Variants in H1-7 observed in about 807,000 individuals in gnomAD.
H1-7 encodes the protein testis-specific H1 histone.
Under a neutral mutation model 0.3 loss-of-function variants are expected in H1-7, and 1 was observed. The ratio of observed to expected loss-of-function variants is 3.06; its 90% CI spans 1.09 to 14.53. The LOEUF (loss-of-function observed/expected upper bound fraction) is 14.53, where lower values mean the gene tolerates loss of function less well. Ranked by LOEUF, H1-7 falls within the 30% of genes most tolerant of loss-of-function variation. The pLI, the probability that H1-7 is intolerant of heterozygous loss-of-function variation, is 0.12. For missense variants in H1-7, 393 were observed against 353.1 expected, an observed-to-expected ratio of 1.11 and a Z score of -0.91; for synonymous variants, 177 against 153.2, an observed-to-expected ratio of 1.16 and a Z score of -1.15.
Position 48,330,170 on chromosome 12 carries a change from T to C in H1-7, c.*111T>C, listed in dbSNP as rs1952550121. On this transcript the variant is annotated 3_prime_UTR_variant, in exon 1 of 1. Coordinates refer to ENST00000335017, the MANE Select transcript of H1-7 (RefSeq NM_181788.1). Reference sequence around the variant, plus strand: ...AAGGTCTTCCTGATCCAGTTGGGAATGCATCTTGTGGGAGCAGCTTCACTC... The same window carrying C: ...AAGGTCTTCCTGATCCAGTTGGGAACGCATCTTGTGGGAGCAGCTTCACTC... 1.6e-6 allele frequency: 2 copies of C among 1,256,442 alleles called. No homozygotes were observed. The highest frequency in any genetic ancestry group is 2.2e-6 in the Non-Finnish European group (2 of 922,352). 77.8% of individuals were successfully genotyped at this position (1,256,442 alleles called of 1,614,324 possible). A position where few individuals can be genotyped will look rare whatever the true frequency, so the allele number is the denominator to read the frequency against.
chr12:48,329,588 G>A lies in H1-7; in HGVS notation c.297G>A (p.Ala99=). Residue 99 remains alanine (A), a synonymous_variant, in exon 1 of 1, where the codon GCG becomes GCA. Coordinates refer to ENST00000335017, the MANE Select transcript of H1-7 (RefSeq NM_181788.1). ...GCAGGAAGAGCGGCCGCCACGAAGC[G>A]CCCAGGGGGCAGGCCAAGGCCACGC... is the stretch of plus-strand genomic sequence containing the variant. ...EVRRKSGRHE[A]PRGQAKATLL... is the part of the protein sequence containing the mutation. 1 of 1,612,944 alleles carries A rather than the reference G, an allele frequency of 6.2e-7. No homozygotes were observed. The highest frequency in any genetic ancestry group is 8.5e-7 in the Non-Finnish European group (1 of 1,179,752).
rs1305842809 is a variant in H1-7, at chr12:48,329,218, T to G, written c.-74T>G. On this transcript the variant is annotated 5_prime_UTR_variant, in exon 1 of 1. It removes an upstream start codon present in the reference 5' UTR. Coordinates refer to ENST00000335017, the MANE Select transcript of H1-7 (RefSeq NM_181788.1). ...AAAGGGCCCCTCCCCGGGTGAGATA[T>G]GCCAGCCCCATAATTAGGACCTGAA... is the stretch of plus-strand genomic sequence containing the variant. 7.6e-6 allele frequency: 11 copies of G among 1,447,470 alleles called. No homozygotes were observed. In the South Asian group the frequency reaches 1.2e-4, roughly 16 times the overall value. 89.7% of individuals were successfully genotyped at this position (1,447,470 alleles called of 1,614,324 possible).
chr12:48,329,221 C>T lies in H1-7; in HGVS notation c.-71C>T. The T allele has an allele frequency of 6.9e-7, 1 of 1,449,670 alleles. No individual in the cohort carries two copies. Among genetic ancestry groups the T allele is most frequent in the Non-Finnish European group, 9.1e-7 (1 of 1,096,818 alleles). 89.8% of individuals were successfully genotyped at this position (1,449,670 alleles called of 1,614,324 possible). The stretch of plus-strand genomic sequence containing the variant: ...GGGCCCCTCCCCGGGTGAGATATGC[C>T]AGCCCCATAATTAGGACCTGAAAAT... On this transcript the variant is annotated 5_prime_UTR_variant, in exon 1 of 1. Transcript: ENST00000335017.
In H1-7 at chr12:48,329,446, G is replaced by A. The variant is rs1346085501; in HGVS notation, c.155G>A (p.Gly52Asp). Residue 52 changes from glycine (G) to aspartate (D), a missense_variant, in exon 1 of 1, where the codon GGC becomes GAC. Physicochemically the swap from Gly to Asp is moderately conservative, Grantham distance 94. Coordinates refer to ENST00000335017, the MANE Select transcript of H1-7 (RefSeq NM_181788.1). Reference sequence around the variant, plus strand: ...AAAACTGTCGGGGGACCATCGAGGGGCTGCTCAAGCTCCGTGCTCAGAGTG... The same window carrying A: ...AAAACTGTCGGGGGACCATCGAGGGACTGCTCAAGCTCCGTGCTCAGAGTG... Reference protein sequence around the residue: ...AEKTVGGPSRGCSSSVLRVSQ... With the variant: ...AEKTVGGPSRDCSSSVLRVSQ... 6.2e-7 allele frequency: 1 copy of A among 1,614,080 alleles called. No homozygotes were observed. Among genetic ancestry groups the A allele is most frequent in the African/African-American group, 1.3e-5 (1 of 74,952 alleles).
chr12:48,330,273 T>A lies in H1-7; in HGVS notation c.*214T>A, dbSNP rs1259167366. ...CACTCATTGAAATGAAATGGACCTCTAGACCACCTTGTGTCTGTTTCCTCT... is the reference window on the plus strand; with the variant it reads ...CACTCATTGAAATGAAATGGACCTCAAGACCACCTTGTGTCTGTTTCCTCT... On this transcript the variant is annotated 3_prime_UTR_variant, in exon 1 of 1. Transcript: ENST00000335017. 6 of 587,178 alleles carry A rather than the reference T, an allele frequency of 1.0e-5. No homozygotes were observed. Among genetic ancestry groups the A allele is most frequent in the African/African-American group, 7.5e-5 (4 of 53,336 alleles). 36.4% of individuals were successfully genotyped at this position (587,178 alleles called of 1,614,324 possible). A position where few individuals can be genotyped will look rare whatever the true frequency, so the allele number is the denominator to read the frequency against.
rs1952540948 is a variant in H1-7, at chr12:48,329,473, C to G, written c.182C>G (p.Ser61Cys). ...RGCSSSVLRV[S>C]QLVLQAISTH... ...TGCTCAAGCTCCGTGCTCAGAGTGT[C>G]CCAGTTGGTGCTCCAGGCCATCTCC... Residue 61 changes from serine to cysteine, a missense_variant, in exon 1 of 1, where the codon TCC (serine) becomes TGC (cysteine). By Grantham distance (112) the Ser-to-Cys change is moderately radical. Coordinates refer to ENST00000335017, the MANE Select transcript of H1-7 (RefSeq NM_181788.1). 1 of 1,614,168 alleles carries G rather than the reference C, an allele frequency of 6.2e-7. No homozygotes were observed. The highest frequency in any genetic ancestry group is 8.5e-7 in the Non-Finnish European group (1 of 1,180,024).
rs774651089 is a variant in H1-7 at position 48,329,277 on chromosome 12, C to T, written c.-15C>T. 1 of 1,516,196 alleles carries T rather than the reference C, an allele frequency of 6.6e-7. No individual in the cohort carries two copies. The highest frequency in any genetic ancestry group is 8.8e-7 in the Non-Finnish European group (1 of 1,134,704). 93.9% of individuals were successfully genotyped at this position (1,516,196 alleles called of 1,614,324 possible). ...CCAGGCCTGCCTTTGTGACGTGGCC[C>T]AGTCTACCTCAGCTATGGAACAGGC... On this transcript the variant is annotated 5_prime_UTR_variant, in exon 1 of 1. Transcript: ENST00000335017.
rs533150986 is a variant in H1-7, at chr12:48,329,624, C to T, written c.333C>T (p.Val111=). 3.1e-6 allele frequency: 5 copies of T among 1,611,902 alleles called. No individual in the cohort carries two copies. The highest frequency in any genetic ancestry group is 4.2e-6 in the Non-Finnish European group (5 of 1,179,362). The change falls in exon 1 of 1, where the codon GTC becomes GTT. Residue 111 remains valine, a synonymous_variant. Coordinates refer to ENST00000335017, the MANE Select transcript of H1-7 (RefSeq NM_181788.1). ...AGGCCAAGGCCACGCTCCTCCGGGT[C>T]AGCGGCAGCGACGCCGCCGGCTACT... ...RGQAKATLLR[V]SGSDAAGYFR...
chr12:48,330,071 TA>T lies in H1-7; in HGVS notation c.*16del. On this transcript the variant is annotated 3_prime_UTR_variant, in exon 1 of 1. Coordinates refer to ENST00000335017, the MANE Select transcript of H1-7 (RefSeq NM_181788.1). Reference sequence around the variant, plus strand: ...GGACCATCCAGTAGCCAACGCGGGCTAAAACCGACCGGACATCTAGCGGGCA... The same window carrying T: ...GGACCATCCAGTAGCCAACGCGGGCTAAACCGACCGGACATCTAGCGGGCA... The T allele has an allele frequency of 6.3e-7, 1 of 1,597,506 alleles. No individual in the cohort carries two copies. Among genetic ancestry groups the T allele is most frequent in the Non-Finnish European group, 8.5e-7 (1 of 1,172,918 alleles).
Position 48,329,630 on chromosome 12 carries a change from C to T in H1-7, c.339C>T (p.Gly113=). The stretch of plus-strand genomic sequence containing the variant: ...AGGCCACGCTCCTCCGGGTCAGCGG[C>T]AGCGACGCCGCCGGCTACTTCAGGG... ...QAKATLLRVS[G]SDAAGYFRVW... Residue 113 remains glycine (G), a synonymous_variant, in exon 1 of 1, where the codon GGC becomes GGT. Coordinates refer to ENST00000335017, the MANE Select transcript of H1-7 (RefSeq NM_181788.1). 1 of 1,611,774 alleles carries T rather than the reference C, an allele frequency of 6.2e-7. No homozygotes were observed. The highest frequency in any genetic ancestry group is 8.5e-7 in the Non-Finnish European group (1 of 1,179,300).
Position 48,329,152 on chromosome 12 carries a change from G to A in H1-7, c.-140G>A. On this transcript the variant is annotated 5_prime_UTR_variant, in exon 1 of 1. Coordinates refer to ENST00000335017, the MANE Select transcript of H1-7 (RefSeq NM_181788.1). ...GGCGCTGAAGACTTGGATTGGTTTA[G>A]ACCTAGAAGGAAGTGGCATTTGATT... is the stretch of plus-strand genomic sequence containing the variant. 2.0e-6 allele frequency: 2 copies of A among 993,356 alleles called. No homozygotes were observed. Among genetic ancestry groups the A allele is most frequent in the Non-Finnish European group, 2.9e-6 (2 of 689,662 alleles). The allele number at this position is 993,356 out of a possible 1,614,324, so 61.5% of individuals were successfully genotyped here.
At position 48,329,258 on chromosome 12, in the gene H1-7, C is replaced by T; in HGVS notation, c.-34C>T. 1 of 1,488,220 alleles carries T rather than the reference C, an allele frequency of 6.7e-7. No individual in the cohort carries two copies. The highest frequency in any genetic ancestry group is 1.4e-5 in the South Asian group (1 of 71,452). The allele number at this position is 1,488,220 out of a possible 1,614,324, so 92.2% of individuals were successfully genotyped here. ...TAGGACCTGAAAATCTCTGCCAGGCCTGCCTTTGTGACGTGGCCCAGTCTA... is the reference window on the plus strand; with the variant it reads ...TAGGACCTGAAAATCTCTGCCAGGCTTGCCTTTGTGACGTGGCCCAGTCTA... On this transcript the variant is annotated 5_prime_UTR_variant, in exon 1 of 1. Coordinates refer to ENST00000335017, the MANE Select transcript of H1-7 (RefSeq NM_181788.1).
rs1354541232 is a variant in H1-7 at position 48,329,872 on chromosome 12, C to T, written c.581C>T (p.Pro194Leu). 1.3e-6 allele frequency: 2 copies of T among 1,589,120 alleles called. No homozygotes were observed. The highest frequency in any genetic ancestry group is 4.6e-5 in the East Asian group (2 of 43,846). ...GCGAGGAGGACCAGGAGGGCAAGGC[C>T]GAGAGCCAAGGAGCCGCCGTGTGCC... ...ARARRTRRAR[P>L]RAKEPPCARA... Residue 194 changes from proline (P) to leucine (L), a missense_variant, in exon 1 of 1, where the codon CCG becomes CTG. Physicochemically the swap from Pro to Leu is moderately conservative, Grantham distance 98. Coordinates refer to ENST00000335017, the MANE Select transcript of H1-7 (RefSeq NM_181788.1).
At position 48,329,693 on chromosome 12, in the gene H1-7, C is replaced by A; in HGVS notation, c.402C>A (p.Arg134=). The A allele has an allele frequency of 6.2e-7, 1 of 1,610,774 alleles. No homozygotes were observed. The highest frequency in any genetic ancestry group is 2.2e-5 in the East Asian group (1 of 44,836). The change falls in exon 1 of 1, where the codon CGC becomes CGA. Residue 134 remains arginine (R), a synonymous_variant. Transcript: ENST00000335017. ...KVPKPRRKPG[R]ARQEEGTRAP... is the part of the protein sequence containing the mutation. Reference sequence around the variant, plus strand: ...CCAAGCCCAGGAGAAAGCCGGGACGCGCGAGGCAAGAGGAGGGCACGCGCG... The same window carrying A: ...CCAAGCCCAGGAGAAAGCCGGGACGAGCGAGGCAAGAGGAGGGCACGCGCG...
chr12:48,329,055 C>CTCGGTG lies in H1-7; in HGVS notation c.-237_-236insTCGGTG. ...GCCGACTAAAGAAAGCGGTGGAGAT[C>CTCGGTG]GAGATCAGTAAGTTTGATTTGGGAA... On this transcript the variant is annotated 5_prime_UTR_variant, in exon 1 of 1. Coordinates refer to ENST00000335017, the MANE Select transcript of H1-7 (RefSeq NM_181788.1). 2.0e-6 allele frequency: 1 copy of CTCGGTG among 498,396 alleles called. No homozygotes were observed. Among genetic ancestry groups the CTCGGTG allele is most frequent in the Non-Finnish European group, 3.5e-6 (1 of 286,690 alleles). The allele number at this position is 498,396 out of a possible 1,614,324, so 30.9% of individuals were successfully genotyped here.
chr12:48,329,871 CCGAGAGCCAAGGAGCCGCCGTGTG>C lies in H1-7; in HGVS notation c.582_605del (p.Pro199_Glu206del). 6.3e-7 allele frequency: 1 copy of C among 1,589,150 alleles called. No homozygotes were observed. Among genetic ancestry groups the C allele is most frequent in the African/African-American group, 1.3e-5 (1 of 74,758 alleles). ...GGCGAGGAGGACCAGGAGGGCAAGGCCGAGAGCCAAGGAGCCGCCGTGTGCCAGAGCCAAGGAGGAAGCGGGAGC... is the reference window on the plus strand; with the variant it reads ...GGCGAGGAGGACCAGGAGGGCAAGGCCCAGAGCCAAGGAGGAAGCGGGAGC... On this transcript the variant is annotated inframe_deletion, in exon 1 of 1. Coordinates refer to ENST00000335017, the MANE Select transcript of H1-7 (RefSeq NM_181788.1).
Position 48,329,064 on chromosome 12 carries a change from TAA to T in H1-7, c.-227_-226del. ...AGAAAGCGGTGGAGATCGAGATCAG[TAA>T]GTTTGATTTGGGAACAAAACCCTGG... On this transcript the variant is annotated 5_prime_UTR_variant, in exon 1 of 1. Transcript: ENST00000335017. 2 of 484,134 alleles carry T rather than the reference TAA, an allele frequency of 4.1e-6. No individual in the cohort carries two copies. The highest frequency in any genetic ancestry group is 7.2e-6 in the Non-Finnish European group (2 of 278,812). The allele number at this position is 484,134 out of a possible 1,614,324, so 30.0% of individuals were successfully genotyped here. A position where few individuals can be genotyped will look rare whatever the true frequency, so the allele number is the denominator to read the frequency against.
In H1-7 at chr12:48,329,121, T is replaced by G. The variant is rs538034844; in HGVS notation, c.-171T>G. 2.9e-6 allele frequency: 2 copies of G among 683,586 alleles called. No individual in the cohort carries two copies. Among genetic ancestry groups the G allele is most frequent in the Non-Finnish European group, 4.7e-6 (2 of 427,388 alleles). 42.3% of individuals were successfully genotyped at this position (683,586 alleles called of 1,614,324 possible). On this transcript the variant is annotated 5_prime_UTR_variant, in exon 1 of 1. Transcript: ENST00000335017. ...TCTATAGGTAGGTGACTGTTGGGGG[T>G]GGACAGGCGCTGAAGACTTGGATTG...
At position 48,329,652 on chromosome 12, in the gene H1-7, A is replaced by T. The variant is rs780273410; in HGVS notation, c.361A>T (p.Arg121Trp). 6.2e-7 allele frequency: 1 copy of T among 1,611,674 alleles called. No individual in the cohort carries two copies. Among genetic ancestry groups the T allele is most frequent in the East Asian group, 2.2e-5 (1 of 44,852 alleles). ...CGGCAGCGACGCCGCCGGCTACTTC[A>T]GGGTCTGGAAGGTTCCCAAGCCCAG... ...VSGSDAAGYF[R>W]VWKVPKPRRK... is the part of the protein sequence containing the mutation. Residue 121 changes from arginine to tryptophan, a missense_variant, in exon 1 of 1, where the codon AGG becomes TGG. By Grantham distance (101) the Arg-to-Trp change is moderately radical (BLOSUM62 -3). Transcript: ENST00000335017.
Sources: gnomAD v4.1 joint callset for allele counts on GRCh38, gnomAD v4.1.1 for gene constraint, MANE v1.5 for transcripts, NCBI Gene and HGNC (gene_info 2026-07-23, HGNC 2026-07-21) for gene names.